Variants in ANK2 observed in about 807,000 individuals in gnomAD.
ANK2 encodes ankyrin 2.
Under a neutral mutation model 360.5 loss-of-function variants are expected in ANK2, and 83 were observed. The ratio of observed to expected loss-of-function variants is 0.23; its 90% confidence interval spans 0.19 to 0.28. ANK2 has a LOEUF of 0.28. ANK2 is among the 10% of genes least tolerant of loss of function. The probability of loss-of-function intolerance (pLI) is 1.00; values close to 1 mark genes in which losing one functional copy is unlikely to be tolerated. For missense variants in ANK2, 4,201 were observed against 4,795.7 expected (o/e 0.88, Z 3.66); for synonymous variants, 1,740 against 1,759.5 (o/e 0.99, Z 0.28).
chr4:113,187,174 C>T (rs1194146190), intron 2 of ANK2, among the ~76,000 whole-genome samples: 1 of 151,948 alleles, frequency 6.6e-6, no homozygotes, highest in Non-Finnish European at 1.5e-5. Context: ...GGTATGCAGT[C>T]ATTGCTGCAG....
chr4:113,204,268 T>TA (rs141844945), intron 4 of ANK2, among the ~76,000 whole-genome samples: 7,374 of 152,232 alleles, frequency 0.048, 224 homozygotes, highest in African/African-American at 0.079. Context: ...TTTTACATGA[T>TA]AAAAAAGGTA....
At chr4:113,147,118 C>T (rs1362792817) in intron 1 of ANK2, among the ~76,000 whole-genome samples, 2 of 151,872 alleles carry the variant, frequency 1.3e-5, no homozygotes, top group Non-Finnish European at 2.9e-5. Flanking sequence ...AAAGCCCTGT[C>T]GTGAAAAAGA....
intron 1 of ANK2, among the ~76,000 whole-genome samples, chr4:113,077,981 G>A (rs202033500): frequency 0.056 from 3,845 of 68,376 alleles, 77 homozygotes; most frequent in Non-Finnish European, 0.098. Context: ...ATCTCATTGA[G>A]TGCCCTTGGG....
chr4:113,241,404 C>T lies in ANK2; in HGVS notation c.793-707C>T, dbSNP rs1306209899. 5.3e-5 allele frequency among the ~76,000 whole-genome samples: 8 copies of T among 152,174 alleles called. No homozygotes were observed. In the East Asian group the frequency reaches 1.5e-3, roughly 29 times the overall value. On this transcript the variant is annotated intron_variant, in intron 8 of 45. Coordinates refer to ENST00000357077, the MANE Select transcript of ANK2 (RefSeq NM_001148.6). ...CCAGGGTGGAGTGCAGGGGCATGAT[C>T]ATGGCTCACCGAAGCCCTGAACTCA...
Position 113,356,365 on chromosome 4 carries a change from A to C in ANK2, c.7747A>C (p.Thr2583Pro). ...AGAAAACGGGGAGAAAAAGAGGTTCACACCTGAAGAGGAGATGTTTAAAAT... is the reference window on the plus strand; with the variant it reads ...AGAAAACGGGGAGAAAAAGAGGTTCCCACCTGAAGAGGAGATGTTTAAAAT... ...DSENGEKKRF[T>P]PEEEMFKMVT... Residue 2583 changes from threonine to proline, a missense_variant, in exon 38 of 46, where the codon ACA (threonine) becomes CCA (proline). This residue lies in a region of ANK2 where 2,642 missense variants were observed against 2,714.5 expected (regional missense o/e 0.97). Transcript: ENST00000357077. The C allele has an allele frequency of 6.2e-7, 1 of 1,614,186 alleles. No individual in the cohort carries two copies. The highest frequency in any genetic ancestry group is 2.2e-5 in the East Asian group (1 of 44,884).
chr4:113,182,196 G>A (rs937368573), intron 2 of ANK2, among the ~76,000 whole-genome samples: 1 of 152,146 alleles, frequency 6.6e-6, no homozygotes, highest in Admixed American at 6.5e-5. Flanking sequence ...AGGTCACAAT[G>A]GAAAGAATGA....
At chr4:113,201,720 GCTGTGATAC>G (rs2098833273) in intron 4 of ANK2, among the ~76,000 whole-genome samples, 1 of 152,146 alleles carries the variant, frequency 6.6e-6, no homozygotes, top group Non-Finnish European at 1.5e-5. Flanking sequence ...GCTTGTTAAA[GCTGTGATAC>G]CAGTTATTAC....
chr4:113,258,271 A>T (rs1332848333), intron 12 of ANK2, 42 bp from the exon 13 acceptor site: 1 of 1,601,852 alleles, frequency 6.2e-7, no homozygotes, highest in Non-Finnish European at 8.6e-7. Flanking sequence ...CCAAAGCCCC[A>T]CCGGTGCAGA....
chr4:112,781,205 T>C, the ANK2 span, among the ~76,000 whole-genome samples: 1 of 152,174 alleles, frequency 6.6e-6, no homozygotes, highest in Non-Finnish European at 1.5e-5. Flanking sequence ...TTGCCTAGGC[T>C]GGTCTCAAAC....
intron 30 of ANK2, 25 bp from the exon 31 acceptor site, chr4:113,336,552 A>C: frequency 6.4e-7 from 1 of 1,561,208 alleles, no homozygotes. Context: ...ACAAATATAT[A>C]TGTGTGTGTT....
intron 1 of ANK2, among the ~76,000 whole-genome samples, chr4:113,167,233 C>G (rs942846044): frequency 6.6e-6 from 1 of 151,596 alleles, no homozygotes; most frequent in Non-Finnish European, 1.5e-5. Flanking sequence ...TTCAGGACTA[C>G]TCACATTTAG....
At chr4:113,066,855 C>T (rs1197782562) in intron 1 of ANK2, among the ~76,000 whole-genome samples, 1 of 152,130 alleles carries the variant, frequency 6.6e-6, no homozygotes, top group Non-Finnish European at 1.5e-5. Context: ...GCTGCCTCAT[C>T]TGTAAACACT....
At chr4:112,879,998 A>G (rs879459404) in intron 1 of ANK2, among the ~76,000 whole-genome samples, 2 of 152,072 alleles carry the variant, frequency 1.3e-5, no homozygotes, top group Admixed American at 1.3e-4. Flanking sequence ...GCAGCTCTTC[A>G]GCAAAAGTGA....
At chr4:113,151,901 C>CA (rs34604677) in intron 1 of ANK2, among the ~76,000 whole-genome samples, 1,986 of 108,272 alleles carry the variant, frequency 0.018, 37 homozygotes, top group African/African-American at 0.048. Context: ...CCCATCTCTA[C>CA]AAAAAAAAAA....
chr4:113,253,799 C>A (rs2047789377), intron 10 of ANK2, among the ~76,000 whole-genome samples: 1 of 152,100 alleles, frequency 6.6e-6, no homozygotes, highest in African/African-American at 2.4e-5. Context: ...TGCATTCTGT[C>A]CATATGGTCT....
intron 2 of ANK2, among the ~76,000 whole-genome samples, chr4:112,968,026 G>GT (rs141212528): frequency 0.022 from 3,367 of 152,126 alleles, 64 homozygotes; most frequent in African/African-American, 0.045. Context: ...TGATTTTTAT[G>GT]TTTTTTCCCC....
chr4:112,928,983 G>C (rs1247691481), intron 2 of ANK2, among the ~76,000 whole-genome samples: 1 of 151,912 alleles, frequency 6.6e-6, no homozygotes, highest in Non-Finnish European at 1.5e-5. Flanking sequence ...CTCCTGAGTA[G>C]CTGGGACTAC....
chr4:113,345,796 A>T, intron 34 of ANK2, 104 bp from the exon 35 acceptor site: 1 of 1,439,808 alleles, frequency 6.9e-7, no homozygotes, highest in Non-Finnish European at 9.7e-7. Flanking sequence ...GTTCTTACCT[A>T]GCAGTAACAA....
intron 2 of ANK2, among the ~76,000 whole-genome samples, chr4:112,941,191 A>G (rs986124087): frequency 4.0e-5 from 6 of 151,662 alleles, no homozygotes; most frequent in Non-Finnish European, 5.9e-5. Context: ...AAAAAAGGAT[A>G]TTAAAAAAGA....
Sources: allele counts gnomAD v4.1 joint callset (sites outside exome capture counted in the v4.1 genomes callset), GRCh38; gene constraint gnomAD v4.1.1; regional missense constraint gnomAD v4.1.1; transcripts MANE v1.5; gene names NCBI Gene and HGNC (gene_info 2026-07-23, HGNC 2026-07-21).